The following EYA4 variants were observed in gnomAD, a reference collection of about 807,000 sequenced individuals.
EYA4 encodes protein phosphatase EYA4.
EYA4 carries 31 observed loss-of-function variants against 87.9 expected under a neutral mutation model. The ratio of observed to expected loss-of-function variants is 0.35; its 90% CI spans 0.27 to 0.48. The LOEUF is 0.48. Ranked by LOEUF, EYA4 falls within the 20% of genes least tolerant of loss-of-function variation. The probability of loss-of-function intolerance (pLI) is 0.99; values close to 1 mark genes in which losing one functional copy is unlikely to be tolerated. For synonymous variants in EYA4, 263 were observed against 270.6 expected (o/e 0.97, Z 0.28); for missense variants, 678 against 761.4 (o/e 0.89, Z 1.29).
chr6:133,519,424 ACT>A, intron 17 of EYA4, among the ~76,000 whole-genome samples: 1 of 150,114 alleles, frequency 6.7e-6, no homozygotes, highest in Non-Finnish European at 1.5e-5. Flanking sequence ...CGACACATAC[ACT>A]CTCCCAAGAC....
At chr6:133,477,619 C>A (rs1026151661) in intron 11 of EYA4, among the ~76,000 whole-genome samples, 14 of 151,860 alleles carry the variant, frequency 9.2e-5, no homozygotes, top group African/African-American at 3.4e-4. Flanking sequence ...CTTCTGGTAA[C>A]CTGAAGAGTC....
At chr6:133,392,613 T>C (rs1787398076) in intron 3 of EYA4, among the ~76,000 whole-genome samples, 1 of 152,206 alleles carries the variant, frequency 6.6e-6, no homozygotes, top group Non-Finnish European at 1.5e-5. Context: ...ATTTTTTTCA[T>C]AGCTTAAACA....
chr6:133,518,434 A>T (rs944237850), intron 17 of EYA4, among the ~76,000 whole-genome samples: 1 of 152,140 alleles, frequency 6.6e-6, no homozygotes, highest in Admixed American at 6.6e-5. Flanking sequence ...CAGTTTTGCC[A>T]TTACTTTTAA....
chr6:133,450,173 G>A (rs1481630647), intron 5 of EYA4, among the ~76,000 whole-genome samples: 1 of 152,008 alleles, frequency 6.6e-6, no homozygotes, highest in African/African-American at 2.4e-5. Flanking sequence ...TTTTAGTAGA[G>A]ATGGGGTTTC....
intron 2 of EYA4, among the ~76,000 whole-genome samples, chr6:133,312,925 A>T (rs1780342947): frequency 6.6e-6 from 1 of 151,890 alleles, no homozygotes; most frequent in African/African-American, 2.4e-5. Context: ...TGAGCCTAAG[A>T]CTATGCCCTT....
intron 3 of EYA4, among the ~76,000 whole-genome samples, chr6:133,428,780 C>G (rs1409444216): frequency 1.3e-5 from 2 of 152,042 alleles, no homozygotes; most frequent in Non-Finnish European, 2.9e-5. Flanking sequence ...GAACTTACCC[C>G]CAAGTCTCCA....
chr6:133,288,083 C>G (rs1362443685), intron 2 of EYA4, among the ~76,000 whole-genome samples: 1 of 152,100 alleles, frequency 6.6e-6, no homozygotes, highest in African/African-American at 2.4e-5. Context: ...GAGCCAAGAT[C>G]ATGCCACTGC....
chr6:133,277,175 G>C (rs1187994366), intron 2 of EYA4, among the ~76,000 whole-genome samples: 2 of 152,132 alleles, frequency 1.3e-5, no homozygotes, highest in African/African-American at 2.4e-5. Flanking sequence ...GGAGTCATTT[G>C]TGGCACATGC....
intron 2 of EYA4, among the ~76,000 whole-genome samples, chr6:133,376,635 G>A (rs1785710526): frequency 6.6e-6 from 1 of 151,764 alleles, no homozygotes; most frequent in Non-Finnish European, 1.5e-5. Flanking sequence ...TTTTTTATGA[G>A]TTAATTCTCC....
At chr6:133,384,617 T>C (rs187069521) in intron 3 of EYA4, among the ~76,000 whole-genome samples, 2 of 152,336 alleles carry the variant, frequency 1.3e-5, no homozygotes, top group East Asian at 3.9e-4. Context: ...CCAGACGTTT[T>C]GATAATGACA....
intron 2 of EYA4, among the ~76,000 whole-genome samples, chr6:133,291,461 C>T (rs990051840): frequency 6.6e-6 from 1 of 151,970 alleles, no homozygotes; most frequent in Non-Finnish European, 1.5e-5. Context: ...TTTAAATAAA[C>T]ATCTTTGGCA....
chr6:133,393,526 A>T (rs1787487133), intron 3 of EYA4, among the ~76,000 whole-genome samples: 4 of 152,106 alleles, frequency 2.6e-5, no homozygotes, highest in Admixed American at 2.6e-4. Context: ...CCAAGCAGAG[A>T]GCTGGTGGAA....
intron 3 of EYA4, among the ~76,000 whole-genome samples, chr6:133,428,256 C>T (rs1790850778): frequency 6.6e-6 from 1 of 151,924 alleles, no homozygotes; most frequent in African/African-American, 2.4e-5. Flanking sequence ...AATTAATCAA[C>T]AAAAAATAGT....
intron 10 of EYA4, among the ~76,000 whole-genome samples, chr6:133,467,740 G>T (rs1794973664): frequency 6.6e-6 from 1 of 151,746 alleles, no homozygotes; most frequent in Non-Finnish European, 1.5e-5. Context: ...TATCAGTGAT[G>T]ACCAAGGATT....
At chr6:133,423,349 A>G (rs1265926231) in intron 3 of EYA4, among the ~76,000 whole-genome samples, 4 of 152,226 alleles carry the variant, frequency 2.6e-5, no homozygotes, top group African/African-American at 4.8e-5. Flanking sequence ...CACATTTTCA[A>G]CTTTACTAGA....
At chr6:133,439,618 T>C (rs773594964) in intron 3 of EYA4, among the ~76,000 whole-genome samples, 14 of 152,214 alleles carry the variant, frequency 9.2e-5, no homozygotes, top group Admixed American at 3.9e-4. Context: ...CCTACAACAA[T>C]GTGCGACAGT....
chr6:133,292,178 T>A (rs561535992), intron 2 of EYA4, among the ~76,000 whole-genome samples: 2 of 152,304 alleles, frequency 1.3e-5, no homozygotes, highest in Non-Finnish European at 2.9e-5. Flanking sequence ...CTGCTTAATT[T>A]TTGGATGATG....
chr6:133,523,012 T>C (rs761939121), intron 17 of EYA4, 44 bp from the exon 18 acceptor site: 29 of 1,522,298 alleles, frequency 1.9e-5, no homozygotes, highest in Non-Finnish European at 2.0e-5. Context: ...TTAGAAGTTA[T>C]TTAGTATTAG....
chr6:133,306,600 A>C (rs575131424), intron 2 of EYA4, among the ~76,000 whole-genome samples: 36 of 152,328 alleles, frequency 2.4e-4, no homozygotes, highest in Non-Finnish European at 4.6e-4. Flanking sequence ...TTAATTTGAA[A>C]ATCAGATTTG....
Sources: allele counts gnomAD v4.1 joint callset (sites outside exome capture counted in the v4.1 genomes callset), GRCh38; gene constraint gnomAD v4.1.1; transcripts MANE v1.5; gene names NCBI Gene and HGNC (gene_info 2026-07-23, HGNC 2026-07-21).